Variants in MYLK3 observed in about 807,000 individuals in gnomAD.
The protein encoded by MYLK3 is MLC kinase.
Under a neutral mutation model 76.3 loss-of-function variants are expected in MYLK3, and 55 were observed. The ratio of observed to expected loss-of-function variants is 0.72; its 90% CI spans 0.58 to 0.90. MYLK3 has a LOEUF of 0.90. MYLK3 is among the 40% of genes least tolerant of loss of function. The probability of loss-of-function intolerance (pLI) is 0.00; values close to 1 mark genes in which losing one functional copy is unlikely to be tolerated. For synonymous variants in MYLK3, 416 were observed against 425.4 expected (o/e 0.98, Z 0.27); for missense variants, 973 against 1,053.6 (o/e 0.92, Z 1.06).
upstream of MYLK3, among the ~76,000 whole-genome samples, chr16:46,752,304 C>T (rs534861663): frequency 1.3e-5 from 2 of 152,244 alleles, no homozygotes; most frequent in African/African-American, 2.4e-5. Flanking sequence ...GGCACAACCA[C>T]AGCTCACTGC....
intron 8 of MYLK3, chr16:46,725,960 A>C (rs1182593727): frequency 6.6e-6 from 1 of 152,196 alleles, no homozygotes; most frequent in African/African-American, 2.4e-5. Context: ...TTTTAGTTTC[A>C]GGCCTTAGAT....
chr16:46,750,072 T>G (rs1168471023), upstream of MYLK3, among the ~76,000 whole-genome samples: 1 of 152,206 alleles, frequency 6.6e-6, no homozygotes, highest in East Asian at 1.9e-4. Context: ...CTCTGGGGAT[T>G]CACCGTGCAC....
Position 46,732,331 on chromosome 16 carries a change from G to T in MYLK3, c.1339C>A (p.Gln447Lys), listed in dbSNP as rs767738829. Residue 447 changes from glutamine (Q) to lysine (K), a missense_variant, in exon 4 of 13, where the codon CAG becomes AAG. This residue lies in a region of MYLK3 where 641 missense variants were observed against 637.0 expected (regional missense o/e 1.01). Transcript: ENST00000394809. ...DHEVGALGLQ[Q>K]GKSPGAGNPE... Reference sequence around the variant, plus strand: ...TTTCCCGCCCCTGGGCTTTTGCCCTGCTGCAGGCCCAGGGCCCCAACCTCG... The same window carrying T: ...TTTCCCGCCCCTGGGCTTTTGCCCTTCTGCAGGCCCAGGGCCCCAACCTCG... The T allele has an allele frequency of 1.2e-6, 2 of 1,612,736 alleles. No homozygotes were observed. The highest frequency in any genetic ancestry group is 8.5e-7 in the Non-Finnish European group (1 of 1,180,032).
At position 46,729,621 on chromosome 16, in the gene MYLK3, G is replaced by A; in HGVS notation, c.1635C>T (p.Ile545=). The change falls in exon 6 of 13, where the codon ATC becomes ATT. Residue 545 remains isoleucine, a synonymous_variant. Coordinates refer to ENST00000394809, the MANE Select transcript of MYLK3 (RefSeq NM_182493.3). ...GGTCCTTGGCGCTCTTCACTTTGAT[G>A]ATCTTGGCAGCCAGTGGGAGGCCTG... The part of the protein sequence containing the change: ...KSTGLPLAAK[I]IKVKSAKDRE... 3.1e-6 allele frequency: 5 copies of A among 1,613,792 alleles called. No homozygotes were observed. Among genetic ancestry groups the A allele is most frequent in the Non-Finnish European group, 4.2e-6 (5 of 1,179,826 alleles).
chr16:46,732,573 G>T lies in MYLK3; in HGVS notation c.1097C>A (p.Ala366Glu), dbSNP rs752984191. ...LGPTLTTEAP[A>E]AAQPGKQGPP... ...GCCCTGCTTGCCTGGCTGGGCAGCT[G>T]CTGGAGCCTCTGTGGTGAGGGTGGG... Residue 366 changes from alanine to glutamate, a missense_variant, in exon 4 of 13, where the codon GCA becomes GAA. Physicochemically the swap from Ala to Glu is moderately radical, Grantham distance 107. Transcript: ENST00000394809. 7.5e-6 allele frequency: 12 copies of T among 1,599,300 alleles called. No homozygotes were observed. The highest frequency in any genetic ancestry group is 1.0e-5 in the Non-Finnish European group (12 of 1,179,418).
At chr16:46,734,042 C>A (rs140713792) in intron 3 of MYLK3, among the ~76,000 whole-genome samples, 1 of 152,282 alleles carries the variant, frequency 6.6e-6, no homozygotes, top group Admixed American at 6.5e-5. Context: ...CATGTTTCAG[C>A]AACTCCACTT....
intron 3 of MYLK3, among the ~76,000 whole-genome samples, chr16:46,735,066 G>A (rs989938118): frequency 8.6e-5 from 13 of 151,630 alleles, no homozygotes; most frequent in Admixed American, 2.6e-4. Context: ...ACTTGAGCCC[G>A]AGAAGTGGAG....
At chr16:46,758,299 C>CAT (rs1267656231) in intron 1 of MYLK3, among the ~76,000 whole-genome samples, 1 of 48,254 alleles carries the variant, frequency 2.1e-5, no homozygotes, top group African/African-American at 9.8e-5. Context: ...CACACACACA[C>CAT]ACACACTCTC....
intron 1 of MYLK3, among the ~76,000 whole-genome samples, chr16:46,755,205 C>T (rs937965388): frequency 6.6e-6 from 1 of 151,982 alleles, no homozygotes; most frequent in East Asian, 1.9e-4. Context: ...GACCCACGCA[C>T]GCTTTCTAAG....
chr16:46,719,796 G>A (rs1186920128), intron 9 of MYLK3, among the ~76,000 whole-genome samples: 1 of 152,190 alleles, frequency 6.6e-6, no homozygotes, highest in African/African-American at 2.4e-5. Context: ...TGGCGCCATG[G>A]GTAGTGTGGC....
chr16:46,729,744 T>A, intron 5 of MYLK3, 57 bp from the exon 6 acceptor site: 1 of 1,489,886 alleles, frequency 6.7e-7, no homozygotes, highest in South Asian at 1.1e-5. Context: ...CCCACACCCA[T>A]CCCTGGACTT....
intron 9 of MYLK3, among the ~76,000 whole-genome samples, chr16:46,713,677 T>C (rs1966707988): frequency 6.6e-6 from 1 of 152,254 alleles, no homozygotes; most frequent in Middle Eastern, 3.2e-3. Flanking sequence ...ATGGCTCTCT[T>C]GAATTTATTC....
intron 10 of MYLK3, 147 bp downstream of exon 10, chr16:46,712,501 C>T: frequency 1.7e-6 from 1 of 585,502 alleles, no homozygotes; most frequent in Non-Finnish European, 2.7e-6. Context: ...TTTCCTTCCC[C>T]ATCTCACTAC....
At chr16:46,730,174 C>A (rs561827860) in intron 5 of MYLK3, among the ~76,000 whole-genome samples, 1 of 149,408 alleles carries the variant, frequency 6.7e-6, no homozygotes, top group Non-Finnish European at 1.5e-5. Context: ...CCATCCTGCA[C>A]CCCAGGGAAC....
At chr16:46,716,379 G>GTA (rs111606823) in intron 9 of MYLK3, among the ~76,000 whole-genome samples, 53 of 149,354 alleles carry the variant, frequency 3.5e-4, no homozygotes, top group African/African-American at 1.3e-3. Context: ...ATATGTATAT[G>GTA]TATATATATA....
chr16:46,751,406 CAAAAAAGAAAA>C (rs571622439), upstream of MYLK3, among the ~76,000 whole-genome samples: 62 of 149,140 alleles, frequency 4.2e-4, 1 homozygote, highest in South Asian at 0.013. Flanking sequence ...GACTCTGTCT[CAAAAAAGAAAA>C]AAAAAAGAAT....
upstream of MYLK3, among the ~76,000 whole-genome samples, chr16:46,748,849 G>A (rs1013570364): frequency 6.6e-6 from 1 of 152,176 alleles, no homozygotes; most frequent in African/African-American, 2.4e-5. This position sits in a 1 kb window ranked among gnomAD's most constrained non-coding sequence, Gnocchi z 4.3. Flanking sequence ...TGGGGTGGCC[G>A]GCAGGTCCCT....
intron 3 of MYLK3, among the ~76,000 whole-genome samples, chr16:46,736,741 T>G (rs1966869958): frequency 6.6e-6 from 1 of 152,194 alleles, no homozygotes; most frequent in African/African-American, 2.4e-5. Context: ...TGAGCCAGGC[T>G]TGGGTTCTCC....
intron 1 of MYLK3, among the ~76,000 whole-genome samples, chr16:46,746,551 GC>G (rs1166450864): frequency 6.6e-6 from 1 of 152,076 alleles, no homozygotes; most frequent in Non-Finnish European, 1.5e-5. Context: ...CTCCCGAGTA[GC>G]TAGGACTACA....
Sources: gnomAD v4.1 joint callset for allele counts (sites outside exome capture counted in the v4.1 genomes callset) on GRCh38, gnomAD v4.1.1 for gene constraint, gnomAD v4.1.1 regional missense constraint, Gnocchi (gnomAD v3.1) non-coding constraint, MANE v1.5 for transcripts, NCBI Gene and HGNC (gene_info 2026-07-23, HGNC 2026-07-21) for gene names.